USP11: variants seen among roughly 807,000 people sequenced by gnomAD.
USP11 encodes ubiquitin carboxyl-terminal hydrolase 11.
In USP11, 5 loss-of-function variants were observed where a neutral mutation model predicts 72.8. The ratio of observed to expected loss-of-function variants is 0.07; its 90% CI spans 0.04 to 0.14. The LOEUF (loss-of-function observed/expected upper bound fraction) is 0.14, where lower values mean the gene tolerates loss of function less well. Among genes scored for constraint, USP11 ranks in the 10% least tolerant of loss-of-function variants. The pLI is 1.00. For missense variants in USP11, 480 were observed against 794.7 expected, an observed-to-expected ratio of 0.60 and a Z score of 4.76; for synonymous variants, 368 against 326.5, an observed-to-expected ratio of 1.13 and a Z score of -1.37.
At chrX:47,236,778 C>T (rs1602707406) in intron 1 of USP11, among the ~76,000 whole-genome samples, 1 of 112,030 alleles carries the variant, frequency 8.9e-6, no homozygotes. Context: ...CAGCAAGAAA[C>T]TAGAAAATTA....
intron 1 of USP11, chrX:47,233,583 A>G (rs2055356759): frequency 2.5e-6 from 2 of 810,945 alleles, no homozygotes; most frequent in Non-Finnish European, 3.0e-6. Context: ...GCGTAATGCA[A>G]CTTTTGGGGG....
At chrX:47,233,685 A>T in intron 1 of USP11, 1 of 318,732 alleles carries the variant, frequency 3.1e-6, no homozygotes, top group African/African-American at 3.1e-5. Flanking sequence ...GAACGGTCCG[A>T]GGGAGGGAGC....
rs769235899 is a variant in USP11 at position 47,242,731 on chromosome X, A to G, written c.1583+11A>G. 1 of 1,179,442 alleles carries G rather than the reference A, an allele frequency of 8.5e-7. No individual in the cohort carries two copies. The highest frequency in any genetic ancestry group is 1.2e-6 in the Non-Finnish European group (1 of 866,358). Reference sequence around the variant, plus strand: ...TGATGATATCTTCGTGTGAGTGGGGATGGCAGGGAGGTGGTGGTTCCTCAG... The same window carrying G: ...TGATGATATCTTCGTGTGAGTGGGGGTGGCAGGGAGGTGGTGGTTCCTCAG... On this transcript the variant is annotated intron_variant, in intron 12 of 20. Transcript: ENST00000377107.
chrX:47,236,969 T>A (rs2055375201), intron 1 of USP11, among the ~76,000 whole-genome samples: 3 of 112,055 alleles, frequency 2.7e-5, no homozygotes, highest in Middle Eastern at 4.3e-3. Flanking sequence ...AAAGTGTCTT[T>A]GACTTGAAGC....
chrX:47,242,410 G>T (rs745923690), intron 10 of USP11, 29 bp from the exon 11 acceptor site: 1 of 1,209,672 alleles, frequency 8.3e-7, no homozygotes, highest in East Asian at 3.0e-5. Flanking sequence ...AGCCCTTTTG[G>T]TCTTTTGTGG....
chrX:47,237,697 T>A (rs1024937433), intron 1 of USP11, among the ~76,000 whole-genome samples: 9 of 111,425 alleles, frequency 8.1e-5, no homozygotes, highest in Admixed American at 7.7e-4. Flanking sequence ...AATTTGGTTA[T>A]TTTTTAAAAA....
Position 47,238,930 on chromosome X carries a change from C to T in USP11, c.177-140C>T, listed in dbSNP as rs779106133. On this transcript the variant is annotated intron_variant, in intron 1 of 20. Coordinates refer to ENST00000377107, the MANE Select transcript of USP11 (RefSeq NM_001371072.1). ...GAGTTTCACTGAATAAATTTTGCTTCGAATTTATTTTTATATGATGCTGAA... is the reference window on the plus strand; with the variant it reads ...GAGTTTCACTGAATAAATTTTGCTTTGAATTTATTTTTATATGATGCTGAA... 3.9e-5 allele frequency: 17 copies of T among 431,296 alleles called. No individual in the cohort carries two copies. The South Asian group carries it at 8.0e-4, about 20-fold the overall frequency. The allele number at this position is 431,296 out of a possible 1,213,427, so 35.5% of individuals were successfully genotyped here. A position where few individuals can be genotyped will look rare whatever the true frequency, so the allele number is the denominator to read the frequency against.
chrX:47,247,237 G>A lies in USP11; in HGVS notation c.2420+16G>A, dbSNP rs376879057. On this transcript the variant is annotated intron_variant, in intron 18 of 20. Transcript: ENST00000377107. Reference sequence around the variant, plus strand: ...TTCCTATCCGGTCAGGGGCCAGGGAGAGGATGGCTGGGGGAAGGCAGGGAA... The same window carrying A: ...TTCCTATCCGGTCAGGGGCCAGGGAAAGGATGGCTGGGGGAAGGCAGGGAA... 2 of 1,208,895 alleles carry A rather than the reference G, an allele frequency of 1.7e-6. No homozygotes were observed. The highest frequency in any genetic ancestry group is 1.8e-5 in the African/African-American group (1 of 56,784).
Position 47,247,521 on chromosome X carries a change from G to T in USP11, c.2537-90G>T, listed in dbSNP as rs1602717262. On this transcript the variant is annotated intron_variant, in intron 19 of 20. Transcript: ENST00000377107. ...ACTAGGGATGTGAGCCAGTGGTGAG[G>T]TTATCGTGGTGGGAGGAGTGACAAG... The T allele has an allele frequency of 3.5e-6, 4 of 1,158,295 alleles. No homozygotes were observed. In the East Asian group the frequency reaches 1.2e-4, roughly 35 times the overall value.
intron 1 of USP11, 199 bp downstream of exon 1, chrX:47,233,418 T>C (rs2055355442): frequency 9.3e-7 from 1 of 1,073,911 alleles, no homozygotes; most frequent in East Asian, 3.4e-5. Flanking sequence ...GCGGGGCCTG[T>C]GTGGTGCAGT....
Position 47,248,014 on chromosome X carries a change from T to A in USP11, c.*84T>A. On this transcript the variant is annotated 3_prime_UTR_variant, in exon 21 of 21. Transcript: ENST00000377107. ...CTCGTGTCCGCCCCGCTTCTCTTAT[T>A]CGTGTTAGGTGCCCCCGCCAGGCAT... 8 of 1,103,519 alleles carry A rather than the reference T, an allele frequency of 7.2e-6. No homozygotes were observed. The highest frequency in any genetic ancestry group is 9.5e-6 in the Non-Finnish European group (8 of 843,394). 90.9% of individuals were successfully genotyped at this position (1,103,519 alleles called of 1,213,427 possible).
In USP11 at chrX:47,233,116, A is replaced by G; in HGVS notation, c.73A>G (p.Arg25Gly). 5 of 1,199,339 alleles carry G rather than the reference A, an allele frequency of 4.2e-6. No individual in the cohort carries two copies. The highest frequency in any genetic ancestry group is 5.6e-6 in the Non-Finnish European group (5 of 889,243). Reference sequence around the variant, plus strand: ...GGCGGCAGCGGCGGTGACTGAGGATAGAGAGCCACAGCACGAGGAGCTGCC... The same window carrying G: ...GGCGGCAGCGGCGGTGACTGAGGATGGAGAGCCACAGCACGAGGAGCTGCC... ...VAAAAAVTEDREPQHEELPGL... is the reference protein window; with the variant it reads ...VAAAAAVTEDGEPQHEELPGL... Residue 25 changes from arginine (R) to glycine (G), a missense_variant, in exon 1 of 21, where the codon AGA becomes GGA. By Grantham distance (125) the Arg-to-Gly change is moderately radical. Around this residue, in one of 5 missense-constraint regions of USP11, gnomAD observed 71 missense variants for 71.4 expected, o/e 0.99. Transcript: ENST00000377107.
chrX:47,239,920 G>T lies in USP11; in HGVS notation c.535+13G>T. 1 of 1,194,203 alleles carries T rather than the reference G, an allele frequency of 8.4e-7. No homozygotes were observed. Among genetic ancestry groups the T allele is most frequent in the Non-Finnish European group, 1.1e-6 (1 of 879,614 alleles). ...ACCGATTCTATTGGTGAGTCTAAGG[G>T]TCACGCAATGGGTTGGTGTTCCTAG... On this transcript the variant is annotated intron_variant, in intron 4 of 20. Coordinates refer to ENST00000377107, the MANE Select transcript of USP11 (RefSeq NM_001371072.1).
Position 47,248,164 on chromosome X carries a change from T to A in USP11, c.*234T>A. The A allele has an allele frequency of 2.4e-6, 1 of 418,030 alleles. No individual in the cohort carries two copies. The highest frequency in any genetic ancestry group is 4.3e-5 in the South Asian group (1 of 23,353). The allele number at this position is 418,030 out of a possible 1,213,427, so 34.5% of individuals were successfully genotyped here. A position where few individuals can be genotyped will look rare whatever the true frequency, so the allele number is the denominator to read the frequency against. On this transcript the variant is annotated 3_prime_UTR_variant, in exon 21 of 21. Transcript: ENST00000377107. ...GTGTTTGCCCTTCCAGCAGTGACCC[T>A]CCCTTCTAGTCTTTATTTATGGTCG...
intron 12 of USP11, 141 bp from the exon 13 acceptor site, chrX:47,243,255 T>G (rs1300599223): frequency 1.7e-6 from 1 of 604,702 alleles, no homozygotes; most frequent in Non-Finnish European, 2.4e-6. Flanking sequence ...AGAGCGAGAC[T>G]CCGTCTCAAA....
chrX:47,242,120 G>A lies in USP11; in HGVS notation c.1218G>A (p.Arg406=). 2 of 1,210,880 alleles carry A rather than the reference G, an allele frequency of 1.7e-6. No individual in the cohort carries two copies. Among genetic ancestry groups the A allele is most frequent in the African/African-American group, 3.5e-5 (2 of 57,837 alleles). Residue 406 remains arginine, a synonymous_variant, in exon 10 of 21, where the codon CGG becomes CGA. Transcript: ENST00000377107. ...AQEAWQNHKR[R]NDSVIVDTFH... Reference sequence around the variant, plus strand: ...AGGCATGGCAAAACCACAAACGGCGGAACGATTCTGTGATCGTGGACACTT... The same window carrying A: ...AGGCATGGCAAAACCACAAACGGCGAAACGATTCTGTGATCGTGGACACTT...
intron 1 of USP11, chrX:47,233,575 G>T (rs1250457360): frequency 1.3e-5 from 11 of 832,268 alleles, no homozygotes; most frequent in Non-Finnish European, 1.6e-5. Context: ...CCTGCGCTGC[G>T]TAATGCAACT....
Position 47,242,506 on chromosome X carries a change from G to A in USP11, c.1472G>A (p.Gly491Asp), listed in dbSNP as rs2055408813. 2 of 1,212,005 alleles carry A rather than the reference G, an allele frequency of 1.7e-6. No homozygotes were observed. The highest frequency in any genetic ancestry group is 2.2e-6 in the Non-Finnish European group (2 of 895,545). Residue 491 changes from glycine to aspartate, a missense_variant, in exon 11 of 21, where the codon GGC (glycine) becomes GAC (aspartate). Transcript: ENST00000377107. ...DLCVALSKHT[G>D]ISPERMMVAD... ...TGTGTGGCTCTGTCCAAACACACGG[G>A]CATCTCGCCAGAGAGGGTGAGACTG...
chrX:47,233,425 C>T, intron 1 of USP11: 1 of 1,070,656 alleles, frequency 9.3e-7, no homozygotes, highest in Non-Finnish European at 1.2e-6. Flanking sequence ...CTGTGTGGTG[C>T]AGTCTGACGC....
Sources: gnomAD v4.1 joint callset for allele counts (sites outside exome capture counted in the v4.1 genomes callset) on GRCh38, gnomAD v4.1.1 for gene constraint, gnomAD v4.1.1 regional missense constraint, MANE v1.5 for transcripts, NCBI Gene and HGNC (gene_info 2026-07-23, HGNC 2026-07-21) for gene names.